Variants in UBE2O observed in about 807,000 individuals in gnomAD.
UBE2O encodes the protein (E3-independent) E2 ubiquitin-conjugating enzyme.
In UBE2O, 15 loss-of-function variants were observed where a neutral mutation model predicts 125.8. That is an observed-to-expected ratio of 0.12 (90% CI 0.08 to 0.18). The LOEUF (loss-of-function observed/expected upper bound fraction) is 0.18, where lower values mean the gene tolerates loss of function less well. Ranked by LOEUF, UBE2O falls within the 10% of genes least tolerant of loss-of-function variation. UBE2O has a pLI of 1.00. For missense variants in UBE2O, 1,280 were observed against 1,723.6 expected (o/e 0.74, Z 4.56); for synonymous variants, 708 against 703.2 (o/e 1.01, Z -0.11).
At chr17:76,420,517 C>T (rs1056768211) in intron 1 of UBE2O, among the ~76,000 whole-genome samples, 3 of 152,196 alleles carry the variant, frequency 2.0e-5, no homozygotes, top group Non-Finnish European at 4.4e-5. Context: ...TACATGCAGG[C>T]CAGGAGAACC....
chr17:76,450,412 C>T (rs2073220447), intron 1 of UBE2O, among the ~76,000 whole-genome samples: 1 of 152,052 alleles, frequency 6.6e-6, no homozygotes, highest in African/African-American at 2.4e-5. Flanking sequence ...ATTCTAAATC[C>T]TAAAAGAACT....
At position 76,399,223 on chromosome 17, in the gene UBE2O, G is replaced by A; in HGVS notation, c.1628+226C>T. The A allele has an allele frequency of 1.4e-6, 1 of 722,512 alleles. No homozygotes were observed. The highest frequency in any genetic ancestry group is 2.2e-6 in the Non-Finnish European group (1 of 447,586). The allele number at this position is 722,512 out of a possible 1,614,324, so 44.8% of individuals were successfully genotyped here. On this transcript the variant is annotated intron_variant, in intron 9 of 17. Coordinates refer to ENST00000319380, the MANE Select transcript of UBE2O (RefSeq NM_022066.4). This position sits in a 1 kb window ranked among gnomAD's most constrained non-coding sequence, Gnocchi z 6.9. ...AGCTCAGGCAAATGTGGTTCCAGAA[G>A]GCCAAGCTTAAGGCCACCACCATCC...
rs1002105480 is a variant in UBE2O, at chr17:76,402,808, G to C, written c.589-109C>G. 1 of 931,156 alleles carries C rather than the reference G, an allele frequency of 1.1e-6. No individual in the cohort carries two copies. Among genetic ancestry groups the C allele is most frequent in the East Asian group, 2.4e-5 (1 of 41,026 alleles). The allele number at this position is 931,156 out of a possible 1,614,324, so 57.7% of individuals were successfully genotyped here. The stretch of plus-strand genomic sequence containing the variant: ...GACAGGATGGGGGAGGATCTAGACA[G>C]CTCACTGACTGGACCGGTTGGCTAC... On this transcript the variant is annotated intron_variant, in intron 3 of 17. Coordinates refer to ENST00000319380, the MANE Select transcript of UBE2O (RefSeq NM_022066.4). This position sits in a 1 kb window ranked among gnomAD's most constrained non-coding sequence, Gnocchi z 5.4.
At position 76,405,576 on chromosome 17, in the gene UBE2O, T is replaced by C; in HGVS notation, c.418-4A>G. The stretch of plus-strand genomic sequence containing the variant: ...CAGAACGGTCCTCTAGTTTCAGCTG[T>C]AAAAGAAAATACAGGTGTGAGAGAA... On this transcript the variant is annotated splice_polypyrimidine_tract_variant and splice_region_variant and intron_variant, in intron 1 of 17. Transcript: ENST00000319380. The surrounding 1 kb of genome is among the most constrained non-coding windows in gnomAD (Gnocchi z 6.1). 1.2e-5 allele frequency: 19 copies of C among 1,587,050 alleles called. No homozygotes were observed. Among genetic ancestry groups the C allele is most frequent in the Non-Finnish European group, 1.6e-5 (19 of 1,168,212 alleles).
At chr17:76,393,010 C>T (rs563879487) in intron 15 of UBE2O, among the ~76,000 whole-genome samples, 1 of 151,762 alleles carries the variant, frequency 6.6e-6, no homozygotes, top group African/African-American at 2.4e-5. Context: ...GTAATCCCAG[C>T]ACTTTTGGGA....
chr17:76,396,867 C>A lies in UBE2O; in HGVS notation c.2116-46G>T. 1 of 1,498,722 alleles carries A rather than the reference C, an allele frequency of 6.7e-7. No homozygotes were observed. The highest frequency in any genetic ancestry group is 2.0e-5 in the Admixed American group (1 of 51,080). 92.8% of individuals were successfully genotyped at this position (1,498,722 alleles called of 1,614,324 possible). A position where few individuals can be genotyped will look rare whatever the true frequency, so the allele number is the denominator to read the frequency against. On this transcript the variant is annotated intron_variant, in intron 13 of 17. Coordinates refer to ENST00000319380, the MANE Select transcript of UBE2O (RefSeq NM_022066.4). This position sits in a 1 kb window ranked among gnomAD's most constrained non-coding sequence, Gnocchi z 6.7. ...CCAGGGTAAGCAGACAGGAAGTCAC[C>A]TCCCCACCACTAAGGAGGAGCTCTG... is the stretch of plus-strand genomic sequence containing the variant.
intron 15 of UBE2O, among the ~76,000 whole-genome samples, chr17:76,393,996 T>C (rs1598579437): frequency 6.6e-6 from 1 of 152,354 alleles, no homozygotes; most frequent in East Asian, 1.9e-4. Context: ...ACTGTTTCCA[T>C]CTTCCCTCAG....
chr17:76,391,887 TG>T lies in UBE2O; in HGVS notation c.3150+22del. On this transcript the variant is annotated intron_variant, in intron 16 of 17. Transcript: ENST00000319380. The surrounding 1 kb of genome is among the most constrained non-coding windows in gnomAD (Gnocchi z 8.4). ...CCAGTGGCTCTTCCTCCTTCTTGGC[TG>T]GGGGCCTGGCCCTATACTCACCTTT... is the stretch of plus-strand genomic sequence containing the variant. 6.2e-7 allele frequency: 1 copy of T among 1,613,692 alleles called. No homozygotes were observed. The highest frequency in any genetic ancestry group is 8.5e-7 in the Non-Finnish European group (1 of 1,179,824).
chr17:76,422,550 G>C (rs2072729769), intron 1 of UBE2O, among the ~76,000 whole-genome samples: 1 of 152,228 alleles, frequency 6.6e-6, no homozygotes, highest in South Asian at 2.1e-4. Flanking sequence ...AGACAGTCCT[G>C]CAGGTGTCCG....
At position 76,452,977 on chromosome 17, in the gene UBE2O, G is replaced by A; in HGVS notation, c.165C>T (p.Gly55=). The A allele has an allele frequency of 3.3e-6, 5 of 1,494,610 alleles. No homozygotes were observed. The highest frequency in any genetic ancestry group is 4.5e-6 in the Non-Finnish European group (5 of 1,122,122). 92.6% of individuals were successfully genotyped at this position (1,494,610 alleles called of 1,614,324 possible). Residue 55 remains glycine, a synonymous_variant, in exon 1 of 18, where the codon GGC becomes GGT. Transcript: ENST00000319380. The surrounding 1 kb of genome is among the most constrained non-coding windows in gnomAD (Gnocchi z 4.4). ...GPSSDSGPEA[G]SQRLLFSHDL... Reference sequence around the variant, plus strand: ...CGTGAGAAAACAGCAGGCGCTGCGAGCCGGCTTCTGGGCCGGAGTCCGAGG... The same window carrying A: ...CGTGAGAAAACAGCAGGCGCTGCGAACCGGCTTCTGGGCCGGAGTCCGAGG...
intron 1 of UBE2O, among the ~76,000 whole-genome samples, chr17:76,428,256 C>G (rs1440346178): frequency 6.6e-6 from 1 of 152,182 alleles, no homozygotes; most frequent in Non-Finnish European, 1.5e-5. Flanking sequence ...TGGAATCACA[C>G]AATGTGCCAC....
At chr17:76,440,231 GT>G (rs1174068361) in intron 1 of UBE2O, among the ~76,000 whole-genome samples, 1 of 152,180 alleles carries the variant, frequency 6.6e-6, no homozygotes, top group Non-Finnish European at 1.5e-5. Flanking sequence ...AGAACGCACA[GT>G]CTCTCATTAG....
In UBE2O at chr17:76,391,468, C is replaced by T. The variant is rs1397998476; in HGVS notation, c.3354G>A (p.Arg1118=). The T allele has an allele frequency of 4.3e-6, 7 of 1,613,830 alleles. No individual in the cohort carries two copies. The highest frequency in any genetic ancestry group is 5.9e-6 in the Non-Finnish European group (7 of 1,180,052). Residue 1118 remains arginine, a synonymous_variant, in exon 18 of 18, where the codon CGG becomes CGA. Coordinates refer to ENST00000319380, the MANE Select transcript of UBE2O (RefSeq NM_022066.4). This position sits in a 1 kb window ranked among gnomAD's most constrained non-coding sequence, Gnocchi z 8.4. ...TCTCCTGCTCAAAGACCTCGGGGGGCCGCCGCACCAGCTGGGTCATGGACT... is the reference window on the plus strand; with the variant it reads ...TCTCCTGCTCAAAGACCTCGGGGGGTCGCCGCACCAGCTGGGTCATGGACT... ...VVQSMTQLVR[R]PPEVFEQEIR... is the part of the protein sequence containing the mutation.
At chr17:76,434,795 AAAAAAACAAAC>A (rs1567852652) in intron 1 of UBE2O, among the ~76,000 whole-genome samples, 4 of 118,558 alleles carry the variant, frequency 3.4e-5, no homozygotes, top group African/African-American at 1.3e-4. Flanking sequence ...TTTTTTTTTT[AAAAAAACAAAC>A]AAAAAAACAA....
Position 76,391,308 on chromosome 17 carries a change from G to A in UBE2O, c.3514C>T (p.Pro1172Ser). The A allele has an allele frequency of 6.2e-7, 1 of 1,612,962 alleles. No individual in the cohort carries two copies. The highest frequency in any genetic ancestry group is 8.5e-7 in the Non-Finnish European group (1 of 1,180,006). The part of the protein sequence containing the change: ...VPKASSSPEP[P>S]AVAELSDSGQ... ...GAGTCTGACAGCTCGGCTACAGCTG[G>A]GGGCTCTGGCGAGCTGCTGGCCTTG... The change falls in exon 18 of 18, where the codon CCA (proline) becomes TCA (serine). Residue 1172 changes from proline (P) to serine (S), a missense_variant. Physicochemically the swap from Pro to Ser is moderately conservative, Grantham distance 74. Transcript: ENST00000319380. This position sits in a 1 kb window ranked among gnomAD's most constrained non-coding sequence, Gnocchi z 8.4.
chr17:76,415,795 CTGTGTGTGTGTGTGTG>C (rs34127040), intron 1 of UBE2O, among the ~76,000 whole-genome samples: 2 of 143,200 alleles, frequency 1.4e-5, no homozygotes, highest in African/African-American at 2.6e-5. Flanking sequence ...CAGAGCAAGA[CTGTGTGTGTGTGTGTG>C]TGTGTGTGTG....
intron 1 of UBE2O, among the ~76,000 whole-genome samples, chr17:76,437,449 C>CA (rs549634787): frequency 0.083 from 4,757 of 57,492 alleles, 145 homozygotes; most frequent in Admixed American, 0.15. Flanking sequence ...GATTCCATCT[C>CA]AAAAAAAAAA....
In UBE2O at chr17:76,413,251, C is replaced by T. The variant is rs569906189; in HGVS notation, c.418-7679G>A. 1.6e-3 allele frequency among the ~76,000 whole-genome samples: 244 copies of T among 152,276 alleles called. 1 individual carries two copies. The highest frequency in any genetic ancestry group is 2.6e-3 in the Non-Finnish European group (175 of 68,016). On this transcript the variant is annotated intron_variant, in intron 1 of 17. Coordinates refer to ENST00000319380, the MANE Select transcript of UBE2O (RefSeq NM_022066.4). ...GGACCAGTGACATTCACCCCCATCC[C>T]ACAATGTTAATGCAGCTTGATGGCC...
At chr17:76,394,560 C>T (rs140710618) in intron 15 of UBE2O, among the ~76,000 whole-genome samples, 26 of 152,138 alleles carry the variant, frequency 1.7e-4, no homozygotes, top group African/African-American at 5.5e-4. Context: ...ATGTGTACGA[C>T]GACATATTCT....
Sources: allele counts gnomAD v4.1 joint callset (sites outside exome capture counted in the v4.1 genomes callset), GRCh38; gene constraint gnomAD v4.1.1; non-coding constraint Gnocchi (gnomAD v3.1); transcripts MANE v1.5; gene names NCBI Gene and HGNC (gene_info 2026-07-23, HGNC 2026-07-21).